Variants in COMMD10 observed in about 807,000 individuals in gnomAD.
The protein encoded by COMMD10 is COMM domain-containing protein 10.
Under a neutral mutation model 28.9 loss-of-function variants are expected in COMMD10, and 33 were observed. That is an observed-to-expected ratio of 1.14 (90% CI 0.87 to 1.53). COMMD10 has a LOEUF of 1.53. COMMD10 is among the 40% of genes most tolerant of loss of function. The pLI, the probability that COMMD10 is intolerant of heterozygous loss-of-function variation, is 0.00. For synonymous variants in COMMD10, 110 were observed against 81.7 expected (o/e 1.35, Z -1.87); for missense variants, 310 against 233.4 (o/e 1.33, Z -2.14).
rs76274526 is a variant in COMMD10 at position 116,259,327 on chromosome 5, G to A, written c.511-32190G>A. Among the ~76,000 whole-genome samples the A allele has an allele frequency of 1.9e-4, 28 of 151,010 alleles. No individual in the cohort carries two copies. In the East Asian group the frequency reaches 4.3e-3, roughly 23 times the overall value. On this transcript the variant is annotated intron_variant, in intron 5 of 6. Transcript: ENST00000274458. ...ATTTTCTTTTTTAAGGCTTTGTATT[G>A]TCATTATTTTGTTAGTCATGTTTTT...
chr5:116,290,024 A>C (rs762596137), intron 5 of COMMD10, among the ~76,000 whole-genome samples: 1 of 151,940 alleles, frequency 6.6e-6, no homozygotes, highest in Non-Finnish European at 1.5e-5. Context: ...AAAGCAAAAT[A>C]TAGAAAACAA....
At chr5:116,260,629 G>C (rs1750418379) in intron 5 of COMMD10, among the ~76,000 whole-genome samples, 1 of 151,774 alleles carries the variant, frequency 6.6e-6, no homozygotes, top group Non-Finnish European at 1.5e-5. Flanking sequence ...AGAGTATTAG[G>C]TGTTATAGTA....
chr5:116,173,453 T>A (rs1426794111), intron 5 of COMMD10, among the ~76,000 whole-genome samples: 1 of 152,180 alleles, frequency 6.6e-6, no homozygotes, highest in East Asian at 1.9e-4. Context: ...TTTGGTGAAC[T>A]GGATCATGCA....
At chr5:116,110,587 G>A (rs1407090538) in intron 4 of COMMD10, among the ~76,000 whole-genome samples, 1 of 152,076 alleles carries the variant, frequency 6.6e-6, no homozygotes, top group Non-Finnish European at 1.5e-5. Context: ...GTTCAATCTT[G>A]GGAGGTTGTG....
intron 5 of COMMD10, among the ~76,000 whole-genome samples, chr5:116,248,916 C>T (rs1205777974): frequency 6.6e-6 from 1 of 151,908 alleles, no homozygotes; most frequent in African/African-American, 2.4e-5. Flanking sequence ...AAGTTACTGA[C>T]ATCTTGTTTG....
intron 4 of COMMD10, among the ~76,000 whole-genome samples, chr5:116,123,071 T>A (rs1250148920): frequency 6.6e-6 from 1 of 152,210 alleles, no homozygotes; most frequent in East Asian, 1.9e-4. Flanking sequence ...TCAAAGGGAA[T>A]GCTTCTAGTT....
At chr5:116,205,801 T>G (rs1748796191) in intron 5 of COMMD10, among the ~76,000 whole-genome samples, 1 of 152,174 alleles carries the variant, frequency 6.6e-6, no homozygotes, top group Admixed American at 6.5e-5. Flanking sequence ...TAAGAACACT[T>G]GAGTATTTTT....
intron 4 of COMMD10, among the ~76,000 whole-genome samples, chr5:116,117,984 G>A (rs1033394378): frequency 1.3e-5 from 2 of 152,056 alleles, no homozygotes; most frequent in African/African-American, 4.8e-5. Flanking sequence ...CATTGTAGAA[G>A]TTGGAGTTCT....
intron 5 of COMMD10, among the ~76,000 whole-genome samples, chr5:116,186,476 G>C (rs6866514): frequency 0.31 from 47,651 of 151,854 alleles, 10,355 homozygotes; most frequent in African/African-American, 0.62. Context: ...CTTTAACTGG[G>C]AAACACTCTC....
At chr5:116,234,313 C>T (rs142829451) in intron 5 of COMMD10, among the ~76,000 whole-genome samples, 55 of 152,198 alleles carry the variant, frequency 3.6e-4, no homozygotes, top group Admixed American at 7.2e-4. Flanking sequence ...GCTTTGCTAA[C>T]GAACACACTC....
intron 1 of COMMD10, among the ~76,000 whole-genome samples, chr5:116,086,689 G>C (rs972809238): frequency 6.6e-6 from 1 of 152,142 alleles, no homozygotes; most frequent in East Asian, 1.9e-4. Context: ...GGAACTCCTG[G>C]CTTCGGGTGA....
chr5:116,188,670 C>T (rs1206112953), intron 5 of COMMD10: 1 of 133,662 alleles, frequency 7.5e-6, no homozygotes, highest in Non-Finnish European at 1.5e-5. Context: ...CTGGCTCTAT[C>T]ATCCTCCAGG....
intron 5 of COMMD10, among the ~76,000 whole-genome samples, chr5:116,191,953 G>T (rs1357049087): frequency 6.6e-6 from 1 of 150,954 alleles, no homozygotes; most frequent in Non-Finnish European, 1.5e-5. Flanking sequence ...TATCTACGGA[G>T]AAGAGACACA....
intron 5 of COMMD10, among the ~76,000 whole-genome samples, chr5:116,141,961 T>C (rs1752209586): frequency 6.6e-6 from 1 of 151,886 alleles, no homozygotes; most frequent in South Asian, 2.1e-4. Flanking sequence ...TTTTTTAATA[T>C]TGCCTGCCTT....
At chr5:116,134,567 G>A (rs562403644) in intron 5 of COMMD10, among the ~76,000 whole-genome samples, 5 of 152,166 alleles carry the variant, frequency 3.3e-5, no homozygotes, top group Non-Finnish European at 2.9e-5. Context: ...GTGTTTTTGT[G>A]TGTGTAGTAG....
chr5:116,219,344 A>G (rs1308057700), intron 5 of COMMD10, among the ~76,000 whole-genome samples: 1 of 152,132 alleles, frequency 6.6e-6, no homozygotes, highest in Non-Finnish European at 1.5e-5. Context: ...TAGGCGGAAT[A>G]ACAGCTCCTC....
Position 116,120,689 on chromosome 5 carries a change from T to C in COMMD10, c.400-13379T>C, listed in dbSNP as rs1208127058. Among the ~76,000 whole-genome samples the C allele has an allele frequency of 3.9e-5, 6 of 152,076 alleles. 1 individual carries two copies. The highest frequency in any genetic ancestry group is 7.4e-5 in the Non-Finnish European group (5 of 68,026). On this transcript the variant is annotated intron_variant, in intron 4 of 6. Transcript: ENST00000274458. ...TACAGATATACTTTTTGTATGTGTC[T>C]GGCTTCATACACTGATTATAATGAT...
Position 116,230,155 on chromosome 5 carries a change from C to T in COMMD10, c.511-61362C>T, listed in dbSNP as rs146609440. On this transcript the variant is annotated intron_variant, in intron 5 of 6. Coordinates refer to ENST00000274458, the MANE Select transcript of COMMD10 (RefSeq NM_016144.4). ...TCACTAAAAAGTAGGTCTCAAAGAG[C>T]ATCGTAATCTCCTTAGCTTTGTATA... is the stretch of plus-strand genomic sequence containing the variant. Among the ~76,000 whole-genome samples the T allele has an allele frequency of 9.9e-5, 15 of 152,092 alleles. No individual in the cohort carries two copies. The East Asian group carries it at 2.5e-3, about 25-fold the overall frequency.
At position 116,161,374 on chromosome 5, in the gene COMMD10, C is replaced by A. The variant is rs963475007; in HGVS notation, c.510+27196C>A. ...AGAAGCTGAATAAATGTATTTCTTC[C>A]TTTTTCTTATAAGTTGTTGGGGATA... On this transcript the variant is annotated intron_variant, in intron 5 of 6. Transcript: ENST00000274458. Among the ~76,000 whole-genome samples the A allele has an allele frequency of 2.6e-5, 4 of 152,038 alleles. No individual in the cohort carries two copies. In the South Asian group the frequency reaches 8.3e-4, roughly 32 times the overall value.
Sources: gnomAD v4.1 joint callset for allele counts (sites outside exome capture counted in the v4.1 genomes callset) on GRCh38, gnomAD v4.1.1 for gene constraint, MANE v1.5 for transcripts, NCBI Gene and HGNC (gene_info 2026-07-23, HGNC 2026-07-21) for gene names.